The following ECT2L variants were observed in gnomAD, a reference collection of about 807,000 sequenced individuals.
The protein encoded by ECT2L is epithelial cell transforming 2 like, also known as epithelial cell-transforming sequence 2 oncogene-like.
In ECT2L, 126 loss-of-function variants were observed where a neutral mutation model predicts 122.8. The observed-to-expected ratio is 1.03, with a 90% confidence interval of 0.89 to 1.19. The LOEUF is 1.19. ECT2L is among the 50% of genes most tolerant of loss of function. The pLI is 0.00. For missense variants in ECT2L, 1,012 were observed against 1,064.1 expected, an observed-to-expected ratio of 0.95 and a Z score of 0.68; for synonymous variants, 385 against 381.8, an observed-to-expected ratio of 1.01 and a Z score of -0.10.
chr6:138,842,473 T>A (rs1428315602), intron 5 of ECT2L, among the ~76,000 whole-genome samples: 2 of 118,238 alleles, frequency 1.7e-5, no homozygotes, highest in East Asian at 2.5e-4. Flanking sequence ...AAAAAAAACA[T>A]AGAAATAAAA....
intron 20 of ECT2L, among the ~76,000 whole-genome samples, chr6:138,896,331 T>G (rs1473046979): frequency 6.6e-6 from 1 of 152,164 alleles, no homozygotes; most frequent in Non-Finnish European, 1.5e-5. Flanking sequence ...CTGGCCTTGT[T>G]CATCAAATAG....
intron 1 of ECT2L, among the ~76,000 whole-genome samples, chr6:138,806,704 G>GGTTTTGCCAT (rs1775723943): frequency 6.6e-6 from 1 of 151,788 alleles, no homozygotes; most frequent in Non-Finnish European, 1.5e-5. Flanking sequence ...GTAGAGACGG[G>GGTTTTGCCAT]GTTTTGCCAT....
chr6:138,893,701 CGT>C (rs1249882624), intron 20 of ECT2L, among the ~76,000 whole-genome samples: 1 of 152,118 alleles, frequency 6.6e-6, no homozygotes, highest in Non-Finnish European at 1.5e-5. Flanking sequence ...TGATTACAGG[CGT>C]GAGCCACCGC....
At chr6:138,859,836 G>A (rs745616094) in intron 10 of ECT2L, among the ~76,000 whole-genome samples, 4 of 146,330 alleles carry the variant, frequency 2.7e-5, no homozygotes, top group Non-Finnish European at 6.0e-5. Context: ...TTTTTTTTGA[G>A]ACAGAGTTTC....
chr6:138,838,336 TTCTC>T lies in ECT2L; in HGVS notation c.180-14_180-11del, dbSNP rs751411325. On this transcript the variant is annotated splice_polypyrimidine_tract_variant and intron_variant, in intron 4 of 21. Transcript: ENST00000541398. Reference sequence around the variant, plus strand: ...TAGACATTAGTGTTCTAAACTAAATTTCTCTTTCTTTTTAGGTTTGTCCAAGACT... The same window carrying T: ...TAGACATTAGTGTTCTAAACTAAATTTTTCTTTTTAGGTTTGTCCAAGACT... 9 of 1,566,922 alleles carry T rather than the reference TTCTC, an allele frequency of 5.7e-6. No homozygotes were observed. The South Asian group carries it at 1.1e-4, about 19-fold the overall frequency.
intron 10 of ECT2L, among the ~76,000 whole-genome samples, chr6:138,857,311 T>C (rs1225170808): frequency 6.6e-6 from 1 of 152,192 alleles, no homozygotes; most frequent in African/African-American, 2.4e-5. Context: ...CCATATCACC[T>C]GGAGGGCTGG....
chr6:138,902,499 G>C lies in ECT2L; in HGVS notation c.2588-1G>C. On this transcript the variant is annotated splice_acceptor_variant, in intron 21 of 21. Coordinates refer to ENST00000541398, the MANE Select transcript of ECT2L (RefSeq NM_001077706.3). LOFTEE classifies it high-confidence loss of function. ...TTAGTATACCTCAAATGCTTTTACA[G>C]ATGTCAAGAATGCATTTATTCTTCA... 1 of 1,612,006 alleles carries C rather than the reference G, an allele frequency of 6.2e-7. No individual in the cohort carries two copies. Among genetic ancestry groups the C allele is most frequent in the Non-Finnish European group, 8.5e-7 (1 of 1,178,906 alleles).
At chr6:138,890,135 AAAAT>A (rs1339716241) in intron 20 of ECT2L, among the ~76,000 whole-genome samples, 7 of 152,210 alleles carry the variant, frequency 4.6e-5, no homozygotes, top group East Asian at 1.9e-4. Flanking sequence ...AAATAGAAAT[AAAAT>A]AAATAACAAA....
rs1206362180 is a variant in ECT2L, at chr6:138,902,668, C to A, written c.*41C>A. The stretch of plus-strand genomic sequence containing the variant: ...CTTCAGGGGTGCCAATTCTCCCCAG[C>A]AAAGACAGACAACATGTATTTTCTG... On this transcript the variant is annotated 3_prime_UTR_variant, in exon 22 of 22. Coordinates refer to ENST00000541398, the MANE Select transcript of ECT2L (RefSeq NM_001077706.3). The A allele has an allele frequency of 6.2e-7, 1 of 1,607,136 alleles. No individual in the cohort carries two copies. Among genetic ancestry groups the A allele is most frequent in the Non-Finnish European group, 8.5e-7 (1 of 1,176,288 alleles).
At chr6:138,900,790 C>G (rs1779370240) in intron 20 of ECT2L, among the ~76,000 whole-genome samples, 158 bp from the exon 21 acceptor site, 2 of 152,118 alleles carry the variant, frequency 1.3e-5, no homozygotes, top group African/African-American at 4.8e-5. Flanking sequence ...CGAATCACAT[C>G]AGGAGGAATA....
At chr6:138,892,909 CTGTT>C (rs1202195935) in intron 20 of ECT2L, among the ~76,000 whole-genome samples, 1 of 152,160 alleles carries the variant, frequency 6.6e-6, no homozygotes, top group African/African-American at 2.4e-5. Flanking sequence ...GTCATATTAA[CTGTT>C]TGTTGCAGCT....
At chr6:138,892,074 GC>G (rs1375701013) in intron 20 of ECT2L, among the ~76,000 whole-genome samples, 3 of 151,982 alleles carry the variant, frequency 2.0e-5, no homozygotes, top group African/African-American at 7.3e-5. Context: ...CATATGATTT[GC>G]CTTTTGTAAC....
chr6:138,824,589 A>C (rs931775242), intron 4 of ECT2L, among the ~76,000 whole-genome samples: 5 of 151,014 alleles, frequency 3.3e-5, no homozygotes, highest in African/African-American at 9.7e-5. Flanking sequence ...AACAAAAAAA[A>C]CACAAAACAG....
At chr6:138,856,117 C>T (rs1362098004) in intron 10 of ECT2L, among the ~76,000 whole-genome samples, 1 of 144,986 alleles carries the variant, frequency 6.9e-6, no homozygotes, top group East Asian at 2.0e-4. Flanking sequence ...GCTTGTCAGC[C>T]CAGTGGCTGT....
intron 4 of ECT2L, among the ~76,000 whole-genome samples, chr6:138,834,894 TACACACACACACAC>T (rs544584441): frequency 9.5e-5 from 13 of 137,332 alleles, no homozygotes; most frequent in East Asian, 2.2e-4. Flanking sequence ...TGCCCCCGTT[TACACACACACACAC>T]ACACACACAC....
intron 20 of ECT2L, among the ~76,000 whole-genome samples, chr6:138,899,263 T>C (rs1779317254): frequency 6.6e-6 from 1 of 150,870 alleles, no homozygotes; most frequent in South Asian, 2.1e-4. Flanking sequence ...AGCAGAAGAG[T>C]TGAATAAATG....
At chr6:138,888,010 G>C (rs994389168) in intron 19 of ECT2L, among the ~76,000 whole-genome samples, 3 of 152,162 alleles carry the variant, frequency 2.0e-5, no homozygotes, top group African/African-American at 7.2e-5. Flanking sequence ...TCTCATGTCT[G>C]GCACATAAGA....
In ECT2L at chr6:138,812,858, C is replaced by T. The variant is rs571755068; in HGVS notation, c.-223C>T. On this transcript the variant is annotated 5_prime_UTR_variant, in exon 2 of 22. Coordinates refer to ENST00000541398, the MANE Select transcript of ECT2L (RefSeq NM_001077706.3). ...TCCAGGTAAAGAAAAAGTCAACCTC[C>T]TTGGCTGATGAATCACGGCAGTTTC... The T allele has an allele frequency of 3.0e-4, 47 of 157,228 alleles. No homozygotes were observed. The highest frequency in any genetic ancestry group is 2.0e-4 in the South Asian group (1 of 4,940). The allele number at this position is 157,228 out of a possible 1,614,324, so 9.7% of individuals were successfully genotyped here.
In ECT2L at chr6:138,877,549, G is replaced by A. The variant is rs554644200; in HGVS notation, c.1665+991G>A. On this transcript the variant is annotated intron_variant, in intron 14 of 21. Coordinates refer to ENST00000541398, the MANE Select transcript of ECT2L (RefSeq NM_001077706.3). Reference sequence around the variant, plus strand: ...ACATATAATATTAAAAAAATAATATGGACTGTAAGCCAACTGCCAAGTAGG... The same window carrying A: ...ACATATAATATTAAAAAAATAATATAGACTGTAAGCCAACTGCCAAGTAGG... Among the ~76,000 whole-genome samples, 4 of 152,152 alleles carry A rather than the reference G, an allele frequency of 2.6e-5. No homozygotes were observed. The South Asian group carries it at 8.3e-4, about 32-fold the overall frequency.
Sources: gnomAD v4.1 joint callset for allele counts (sites outside exome capture counted in the v4.1 genomes callset) on GRCh38, gnomAD v4.1.1 for gene constraint, MANE v1.5 for transcripts, NCBI Gene and HGNC (gene_info 2026-07-23, HGNC 2026-07-21) for gene names.